The following AATF variants were observed in gnomAD, a reference collection of about 807,000 sequenced individuals.
AATF encodes the protein apoptosis antagonizing transcription factor.
AATF carries 48 observed loss-of-function variants against 63.7 expected under a neutral mutation model. The ratio of observed to expected loss-of-function variants is 0.75; its 90% CI spans 0.60 to 0.96. The LOEUF is 0.96. Among genes scored for constraint, AATF ranks in the 40% least tolerant of loss-of-function variants. The pLI is 0.00. For synonymous variants in AATF, 258 were observed against 247.7 expected, an observed-to-expected ratio of 1.04 and a Z score of -0.39; for missense variants, 639 against 685.7, an observed-to-expected ratio of 0.93 and a Z score of 0.76.
intron 4 of AATF, chr17:36,980,488 C>T (rs578153098): frequency 1.6e-4 from 24 of 152,282 alleles, no homozygotes; most frequent in African/African-American, 5.5e-4. Context: ...ATCTTTGCTG[C>T]TTTTCTTAAC....
chr17:36,970,983 CAT>C lies in AATF; in HGVS notation c.833-15631_833-15630del, dbSNP rs529845151. Among the ~76,000 whole-genome samples, 455 of 151,936 alleles carry C rather than the reference CAT, an allele frequency of 3.0e-3. 3 individuals are homozygous for C. Among genetic ancestry groups the C allele is most frequent in the Middle Eastern group, 0.017 (5 of 294 alleles). The stretch of plus-strand genomic sequence containing the variant: ...ATAAATCATAAAGTGTTTTGAAAAA[CAT>C]ATGGGAGAAAACTCTATGTCATTGG... On this transcript the variant is annotated intron_variant, in intron 4 of 11. Coordinates refer to ENST00000619387, the MANE Select transcript of AATF (RefSeq NM_012138.4).
At chr17:36,971,100 T>C (rs951234502) in intron 4 of AATF, among the ~76,000 whole-genome samples, 1 of 152,202 alleles carries the variant, frequency 6.6e-6, no homozygotes, top group Non-Finnish European at 1.5e-5. Flanking sequence ...TTAAAATCTT[T>C]TGCTCTGTGA....
chr17:36,999,625 CAG>C (rs1318463813), intron 8 of AATF, among the ~76,000 whole-genome samples: 1 of 152,096 alleles, frequency 6.6e-6, no homozygotes, highest in Non-Finnish European at 1.5e-5. Context: ...TAGGATGAAA[CAG>C]GGAACTACAT....
intron 8 of AATF, among the ~76,000 whole-genome samples, chr17:37,016,688 T>G (rs890755003): frequency 6.6e-6 from 1 of 152,194 alleles, no homozygotes; most frequent in Non-Finnish European, 1.5e-5. Flanking sequence ...AAAATTGAAT[T>G]CTTCAGCCAA....
At chr17:36,969,805 C>T (rs2071024886) in intron 4 of AATF, among the ~76,000 whole-genome samples, 1 of 152,146 alleles carries the variant, frequency 6.6e-6, no homozygotes, top group African/African-American at 2.4e-5. Flanking sequence ...ATAATCTTTC[C>T]CTCCTGGCCT....
intron 4 of AATF, among the ~76,000 whole-genome samples, chr17:36,982,294 A>C (rs1291695811): frequency 1.3e-5 from 2 of 150,014 alleles, no homozygotes; most frequent in Non-Finnish European, 3.0e-5. Context: ...TTTTCTATAC[A>C]ACGATGAACT....
intron 8 of AATF, among the ~76,000 whole-genome samples, chr17:37,008,912 G>A (rs1251824780): frequency 6.6e-6 from 1 of 152,182 alleles, no homozygotes. Flanking sequence ...CAAGACATCT[G>A]TCTTGCAGTA....
chr17:37,039,646 G>A (rs183619866), intron 11 of AATF, among the ~76,000 whole-genome samples: 1 of 152,160 alleles, frequency 6.6e-6, no homozygotes, highest in African/African-American at 2.4e-5. Flanking sequence ...TCATCATTAA[G>A]GATGGCGTCC....
At chr17:36,953,931 G>T (rs1268558313) in intron 4 of AATF, 24 bp downstream of exon 4, 3 of 1,608,896 alleles carry the variant, frequency 1.9e-6, no homozygotes, top group Non-Finnish European at 2.5e-6. Flanking sequence ...TGTCCTGTTG[G>T]AATACTTAGA....
chr17:36,961,255 G>A (rs1444646560), intron 4 of AATF, among the ~76,000 whole-genome samples: 1 of 152,104 alleles, frequency 6.6e-6, no homozygotes, highest in East Asian at 1.9e-4. Context: ...CTATTCACTT[G>A]TATAAAACAT....
chr17:37,014,267 G>GTAATAGTAA (rs2071413329), intron 8 of AATF, among the ~76,000 whole-genome samples: 1 of 145,064 alleles, frequency 6.9e-6, no homozygotes, highest in African/African-American at 2.6e-5. Flanking sequence ...GACTGTCTTA[G>GTAATAGTAA]TAATAATAAT....
At chr17:37,018,101 T>C (rs2071441270) in intron 8 of AATF, among the ~76,000 whole-genome samples, 1 of 152,254 alleles carries the variant, frequency 6.6e-6, no homozygotes, top group South Asian at 2.1e-4. Context: ...TTTTAATCTC[T>C]GTTTCTCTTT....
chr17:37,046,314 G>T (rs140686454), intron 11 of AATF, among the ~76,000 whole-genome samples: 225 of 152,220 alleles, frequency 1.5e-3, no homozygotes, highest in African/African-American at 5.2e-3. Context: ...ATTAGAGTGT[G>T]TGTAGGATCA....
At chr17:36,949,470 C>T (rs1281026981) in intron 1 of AATF, among the ~76,000 whole-genome samples, 1 of 152,254 alleles carries the variant, frequency 6.6e-6, no homozygotes, top group Non-Finnish European at 1.5e-5. Flanking sequence ...AGGAGCTGGT[C>T]TTCAGGTTTA....
intron 4 of AATF, among the ~76,000 whole-genome samples, chr17:36,972,752 GT>G (rs1297917862): frequency 1.3e-5 from 2 of 151,670 alleles, no homozygotes; most frequent in Non-Finnish European, 2.9e-5. Context: ...AACTGTTGGG[GT>G]TTTTTGTTTG....
At chr17:37,025,901 G>T (rs1199651002) in intron 10 of AATF, among the ~76,000 whole-genome samples, 1 of 152,150 alleles carries the variant, frequency 6.6e-6, no homozygotes, top group South Asian at 2.1e-4. Context: ...TGGTCTCTAA[G>T]TATCTCCCCC....
chr17:37,008,720 C>T (rs1174352177), intron 8 of AATF, among the ~76,000 whole-genome samples: 2 of 152,058 alleles, frequency 1.3e-5, no homozygotes, highest in East Asian at 1.9e-4. Context: ...AAAAAATTAG[C>T]TGGGCATGCA....
At chr17:36,988,426 C>A in intron 5 of AATF, 93 bp from the exon 6 acceptor site, 1 of 1,211,302 alleles carries the variant, frequency 8.3e-7, no homozygotes, top group Non-Finnish European at 1.2e-6. Context: ...ACAGGTAAGG[C>A]CTAAATATTC....
chr17:36,971,171 C>T (rs909798181), intron 4 of AATF, among the ~76,000 whole-genome samples: 3 of 151,996 alleles, frequency 2.0e-5, no homozygotes, highest in Admixed American at 2.0e-4. Context: ...TTGCAGATCA[C>T]ATAATTAACA....
Sources: gnomAD v4.1 joint callset for allele counts (sites outside exome capture counted in the v4.1 genomes callset) on GRCh38, gnomAD v4.1.1 for gene constraint, MANE v1.5 for transcripts, NCBI Gene and HGNC (gene_info 2026-07-23, HGNC 2026-07-21) for gene names.